Variants in DOCK8 observed in about 807,000 individuals in gnomAD.
DOCK8 encodes dedicator of cytokinesis 8.
DOCK8 carries 141 observed loss-of-function variants against 245.6 expected under a neutral mutation model. The observed-to-expected ratio is 0.57, with a 90% CI of 0.50 to 0.66. The LOEUF (loss-of-function observed/expected upper bound fraction) is 0.66. Among genes scored for constraint, DOCK8 ranks in the 30% least tolerant of loss-of-function variants. The probability of loss-of-function intolerance (pLI) is 0.00; values close to 1 mark genes in which losing one functional copy is unlikely to be tolerated. For missense variants in DOCK8, 2,965 were observed against 2,603.4 expected (o/e 1.14, Z -3.02); for synonymous variants, 1,168 against 970.2 (o/e 1.20, Z -3.79).
chr9:376,590 T>C (rs2053527642), intron 19 of DOCK8, among the ~76,000 whole-genome samples: 1 of 152,178 alleles, frequency 6.6e-6, no homozygotes, highest in Admixed American at 6.5e-5. Context: ...CTGTTACTTC[T>C]TTTCCCTCTG....
chr9:316,230 T>A lies in DOCK8; in HGVS notation c.742-813T>A, dbSNP rs537859119. ...GACCCTGTTCTTTGGACCCTTGCGA[T>A]GGGCAGAGCACTCACCAGTGTTTGG... On this transcript the variant is annotated intron_variant, in intron 6 of 47. Transcript: ENST00000432829. Among the ~76,000 whole-genome samples the A allele has an allele frequency of 1.4e-4, 21 of 152,330 alleles. 1 individual carries two copies. Among genetic ancestry groups the A allele is most frequent in the Non-Finnish European group, 2.6e-4 (18 of 68,032 alleles).
At chr9:436,023 C>T (rs1027809638) in intron 39 of DOCK8, among the ~76,000 whole-genome samples, 4 of 152,214 alleles carry the variant, frequency 2.6e-5, no homozygotes, top group African/African-American at 7.2e-5. Flanking sequence ...TGTTCTTCAA[C>T]ACAATTTTGT....
chr9:280,520 T>C (rs1003889618), intron 2 of DOCK8, among the ~76,000 whole-genome samples: 2 of 152,168 alleles, frequency 1.3e-5, no homozygotes, highest in Admixed American at 6.5e-5. Context: ...GAAGGAAATA[T>C]TCCCAACAGA....
intron 46 of DOCK8, among the ~76,000 whole-genome samples, chr9:462,914 C>T (rs1364026273): frequency 6.6e-6 from 1 of 152,210 alleles, no homozygotes; most frequent in Non-Finnish European, 1.5e-5. Context: ...CTTGGGCAAG[C>T]ATCCTAACAT....
rs372623500 is a variant in DOCK8, at chr9:330,513, G to A, written c.1045-1885G>A. 4.8e-4 allele frequency among the ~76,000 whole-genome samples: 73 copies of A among 152,246 alleles called. No individual in the cohort carries two copies. The South Asian group carries it at 0.015, about 31-fold the overall frequency. ...CTATTTTGCTACATTTGCTGTGTAT[G>A]GTAGCAAGTTTAGTCTGTCAGTCTA... On this transcript the variant is annotated intron_variant, in intron 9 of 47. Transcript: ENST00000432829.
intron 44 of DOCK8, among the ~76,000 whole-genome samples, chr9:447,838 G>T (rs1403379074): frequency 6.6e-6 from 1 of 152,138 alleles, no homozygotes; most frequent in Non-Finnish European, 1.5e-5. Flanking sequence ...ACCACATCAG[G>T]GTGTGGCTTT....
intron 4 of DOCK8, among the ~76,000 whole-genome samples, chr9:301,238 A>T (rs530262994): frequency 2.1e-4 from 32 of 152,072 alleles, no homozygotes; most frequent in African/African-American, 7.7e-4. Flanking sequence ...TAAAAACAAA[A>T]ACCACAGGAT....
At chr9:312,817 C>T (rs531490674) in intron 6 of DOCK8, 6 of 280,732 alleles carry the variant, frequency 2.1e-5, no homozygotes, top group South Asian at 1.1e-4. Flanking sequence ...GTTTGAACTC[C>T]TTATACTGTA....
chr9:339,946 A>G (rs1035995377), intron 13 of DOCK8, among the ~76,000 whole-genome samples: 3 of 152,206 alleles, frequency 2.0e-5, no homozygotes, highest in Admixed American at 1.3e-4. Flanking sequence ...TCATTTTACA[A>G]TTTCTTGCTT....
intron 1 of DOCK8, among the ~76,000 whole-genome samples, chr9:234,243 G>T (rs899862837): frequency 6.6e-6 from 1 of 152,184 alleles, no homozygotes; most frequent in African/African-American, 2.4e-5. Context: ...CTTCTGGCTT[G>T]TAGAGTTTCT....
intron 7 of DOCK8, among the ~76,000 whole-genome samples, chr9:317,814 T>C (rs1182931728): frequency 6.6e-6 from 1 of 152,220 alleles, no homozygotes; most frequent in Non-Finnish European, 1.5e-5. Flanking sequence ...CCCAGATTTT[T>C]CTGCATAATA....
intron 46 of DOCK8, among the ~76,000 whole-genome samples, chr9:453,743 G>A (rs1047690409): frequency 6.6e-6 from 1 of 151,938 alleles, no homozygotes; most frequent in South Asian, 2.1e-4. Context: ...TTTATTTTTT[G>A]TGGAGACAGG....
intron 1 of DOCK8, among the ~76,000 whole-genome samples, chr9:255,966 A>G (rs1419005099): frequency 6.6e-6 from 1 of 152,186 alleles, no homozygotes; most frequent in Non-Finnish European, 1.5e-5. Context: ...AAATATCCTA[A>G]TAGTTGTCAT....
At chr9:347,139 G>T (rs149206699) in intron 14 of DOCK8, among the ~76,000 whole-genome samples, 9 of 152,206 alleles carry the variant, frequency 5.9e-5, no homozygotes, top group Admixed American at 5.2e-4. Flanking sequence ...CAAAATCAAA[G>T]CGTCCCCCTC....
At chr9:327,948 T>C in intron 8 of DOCK8, 74 bp from the exon 9 acceptor site, 1 of 1,459,496 alleles carries the variant, frequency 6.9e-7, no homozygotes, top group Non-Finnish European at 9.6e-7. Flanking sequence ...GTGGTGTTTT[T>C]ACTCCTTTTT....
rs927383329 is a variant in DOCK8, at chr9:271,726, A to G, written c.153A>G (p.Gln51=). 13 of 1,549,446 alleles carry G rather than the reference A, an allele frequency of 8.4e-6. No individual in the cohort carries two copies. The Admixed American group carries it at 2.2e-4, about 26-fold the overall frequency. The part of the protein sequence containing the change: ...SISTSGFPSL[Q]LPQFYDPVEP... ...GTACCTCTGGCTTCCCCTCTCTTCA[A>G]CTAGTAAGTATGAGTTCCAGGTTTA... is the stretch of plus-strand genomic sequence containing the variant. The change falls in exon 2 of 48, where the codon CAA becomes CAG. Residue 51 remains glutamine (Q), a synonymous_variant. Transcript: ENST00000432829.
chr9:236,423 C>T (rs2047251175), intron 1 of DOCK8, among the ~76,000 whole-genome samples: 1 of 152,150 alleles, frequency 6.6e-6, no homozygotes, highest in Non-Finnish European at 1.5e-5. Flanking sequence ...TTGTCACCCC[C>T]AACAAAACTA....
In DOCK8 at chr9:315,821, T is replaced by C. The variant is rs139822071; in HGVS notation, c.742-1222T>C. On this transcript the variant is annotated intron_variant, in intron 6 of 47. Transcript: ENST00000432829. ...ATCTTTTTTAAAAGGATTTCAAAAA[T>C]TAGAATCTAGACCAAAGGCAGTCCC... 1.9e-3 allele frequency among the ~76,000 whole-genome samples: 286 copies of C among 152,330 alleles called. 7 individuals are homozygous for C. In the East Asian group the frequency reaches 0.041, roughly 22 times the overall value.
chr9:334,154 A>G (rs956694748), intron 10 of DOCK8, 71 bp from the exon 11 acceptor site: 17 of 1,563,838 alleles, frequency 1.1e-5, no homozygotes, highest in Non-Finnish European at 1.3e-5. Context: ...GATGGCTGTC[A>G]TATTCAGGTC....
Sources: allele counts gnomAD v4.1 joint callset (sites outside exome capture counted in the v4.1 genomes callset), GRCh38; gene constraint gnomAD v4.1.1; transcripts MANE v1.5; gene names NCBI Gene and HGNC (gene_info 2026-07-23, HGNC 2026-07-21).